The following ZMYND8 variants were observed in gnomAD, a reference collection of about 807,000 sequenced individuals.
ZMYND8 encodes the protein MYND-type zinc finger-containing chromatin reader ZMYND8.
Under a neutral mutation model 140.8 loss-of-function variants are expected in ZMYND8, and 37 were observed. The ratio of observed to expected loss-of-function variants is 0.26; its 90% CI spans 0.20 to 0.35. The LOEUF (loss-of-function observed/expected upper bound fraction) is 0.35, where lower values mean the gene tolerates loss of function less well. ZMYND8 is among the 10% of genes least tolerant of loss of function. The probability of loss-of-function intolerance (pLI) is 1.00; values close to 1 mark genes in which losing one functional copy is unlikely to be tolerated. For synonymous variants in ZMYND8, 592 were observed against 597.1 expected, an observed-to-expected ratio of 0.99 and a Z score of 0.12; for missense variants, 1,068 against 1,570.0, an observed-to-expected ratio of 0.68 and a Z score of 5.40.
At chr20:47,238,687 A>AAT (rs1568953320) in intron 15 of ZMYND8, 71 bp downstream of exon 15, 9 of 1,547,486 alleles carry the variant, frequency 5.8e-6, no homozygotes, top group Non-Finnish European at 7.8e-6. Flanking sequence ...ATAAAAGAGC[A>AAT]ATGACTTTCT....
intron 14 of ZMYND8, among the ~76,000 whole-genome samples, chr20:47,244,981 C>T (rs1601200544): frequency 6.6e-6 from 1 of 151,994 alleles, no homozygotes; most frequent in African/African-American, 2.4e-5. Flanking sequence ...CACTTGAACC[C>T]GGGAGGCGGA....
chr20:47,307,557 T>C (rs1356197159), intron 3 of ZMYND8, among the ~76,000 whole-genome samples: 2 of 151,816 alleles, frequency 1.3e-5, no homozygotes. Flanking sequence ...TTGAGCAATA[T>C]AGCAAGACCC....
chr20:47,285,904 A>G (rs2076888911), intron 8 of ZMYND8: 1 of 927,158 alleles, frequency 1.1e-6, no homozygotes, highest in Admixed American at 6.2e-5. Flanking sequence ...AAATATACAG[A>G]CATAAGCCGG....
chr20:47,232,086 C>A (rs1244798361), intron 16 of ZMYND8, among the ~76,000 whole-genome samples: 1 of 152,106 alleles, frequency 6.6e-6, no homozygotes, highest in Non-Finnish European at 1.5e-5. Flanking sequence ...AAAAGTCATT[C>A]CTGGACAGGC....
At chr20:47,305,269 CAG>C (rs1476546369) in intron 3 of ZMYND8, among the ~76,000 whole-genome samples, 6 of 150,398 alleles carry the variant, frequency 4.0e-5, no homozygotes, top group Admixed American at 3.3e-4. Flanking sequence ...TTTTCTGAGA[CAG>C]AGTCTCGCTC....
intron 2 of ZMYND8, chr20:47,318,968 CG>C: frequency 7.4e-7 from 1 of 1,351,202 alleles, no homozygotes; most frequent in Non-Finnish European, 9.8e-7. Flanking sequence ...TGAGAAAGTG[CG>C]GCTGCTCAGA....
intron 2 of ZMYND8, among the ~76,000 whole-genome samples, chr20:47,334,499 C>T (rs2081225566): frequency 6.6e-6 from 1 of 150,874 alleles, no homozygotes; most frequent in Non-Finnish European, 1.5e-5. Flanking sequence ...ACAGGGGTAA[C>T]GGGGGAATGG....
intron 1 of ZMYND8, chr20:47,352,339 T>G (rs1001618168): frequency 5.1e-6 from 3 of 592,372 alleles, no homozygotes; most frequent in Non-Finnish European, 6.4e-6. Context: ...AAAGGCTGTT[T>G]ATAAGCCTGC....
chr20:47,249,265 A>C, intron 13 of ZMYND8, 22 bp downstream of exon 13: 1 of 1,604,648 alleles, frequency 6.2e-7, no homozygotes, highest in Non-Finnish European at 8.5e-7. Context: ...GCTGGAAAAA[A>C]AAAACAAAAC....
At chr20:47,282,249 T>C (rs2076648887) in intron 9 of ZMYND8, 32 bp from the exon 10 acceptor site, 5 of 1,594,036 alleles carry the variant, frequency 3.1e-6, no homozygotes, top group Non-Finnish European at 4.3e-6. Flanking sequence ...CCAGAGTTTG[T>C]ACATATTTGA....
At chr20:47,277,238 T>A (rs535971718) in intron 10 of ZMYND8, among the ~76,000 whole-genome samples, 1 of 152,252 alleles carries the variant, frequency 6.6e-6, no homozygotes, top group South Asian at 2.1e-4. Flanking sequence ...TAAAAGGAGG[T>A]ACATGTTTTT....
intron 14 of ZMYND8, among the ~76,000 whole-genome samples, chr20:47,243,380 CTG>C (rs2040193085): frequency 6.6e-6 from 1 of 152,238 alleles, no homozygotes; most frequent in South Asian, 2.1e-4. Flanking sequence ...TCTAACTGAA[CTG>C]TGTTTTAGAA....
chr20:47,231,480 A>C (rs532002709), intron 16 of ZMYND8, among the ~76,000 whole-genome samples: 1 of 152,376 alleles, frequency 6.6e-6, no homozygotes, highest in South Asian at 2.1e-4. Context: ...CAAACACTGC[A>C]GCTCGTTACC....
At chr20:47,258,238 A>C (rs914386877) in intron 12 of ZMYND8, among the ~76,000 whole-genome samples, 2 of 152,216 alleles carry the variant, frequency 1.3e-5, no homozygotes, top group African/African-American at 2.4e-5. Flanking sequence ...CAGGTATCTC[A>C]GCTAAGAGCT....
intron 2 of ZMYND8, chr20:47,318,656 C>T (rs2079621074): frequency 2.2e-6 from 1 of 448,562 alleles, no homozygotes; most frequent in Non-Finnish European, 4.5e-6. Flanking sequence ...GTCTCTTAGA[C>T]CCACAGAAAC....
intron 1 of ZMYND8, chr20:47,349,021 G>A (rs1312044565): frequency 6.6e-6 from 1 of 152,204 alleles, no homozygotes; most frequent in Non-Finnish European, 1.5e-5. Flanking sequence ...AGGACAGGAA[G>A]GAGGCTGGGG....
chr20:47,239,425 G>A lies in ZMYND8; in HGVS notation c.2285-287C>T, dbSNP rs1051452083. On this transcript the variant is annotated intron_variant, in intron 14 of 22. Coordinates refer to ENST00000471951, the MANE Select transcript of ZMYND8 (RefSeq NM_001281775.3). ...GGGGAGAATGAGGCAAACAAGACCC[G>A]GCTCCTGCGCTCAAGCTCCCCTACA... 5.7e-4 allele frequency among the ~76,000 whole-genome samples: 87 copies of A among 152,300 alleles called. 1 individual carries two copies. Among genetic ancestry groups the A allele is most frequent in the African/African-American group, 2.0e-3 (85 of 41,556 alleles).
intron 2 of ZMYND8, among the ~76,000 whole-genome samples, chr20:47,321,527 T>C (rs956761376): frequency 6.6e-6 from 1 of 152,140 alleles, no homozygotes; most frequent in South Asian, 2.1e-4. Context: ...GAAAGAAACT[T>C]CAGTGAGCTA....
At chr20:47,259,853 T>C (rs1043647387) in intron 12 of ZMYND8, among the ~76,000 whole-genome samples, 2 of 152,096 alleles carry the variant, frequency 1.3e-5, no homozygotes, top group Non-Finnish European at 2.9e-5. Context: ...CATCACCCCC[T>C]CAAAGTCATT....
Sources: allele counts gnomAD v4.1 joint callset (sites outside exome capture counted in the v4.1 genomes callset), GRCh38; gene constraint gnomAD v4.1.1; transcripts MANE v1.5; gene names NCBI Gene and HGNC (gene_info 2026-07-23, HGNC 2026-07-21).